IL19: variants seen among roughly 807,000 people sequenced by gnomAD.
The protein encoded by IL19 is interleukin 19.
IL19 carries 15 observed loss-of-function variants against 19.5 expected under a neutral mutation model. That is an observed-to-expected ratio of 0.77 (90% CI 0.52 to 1.19). The LOEUF is 1.19. IL19 is among the 50% of genes most tolerant of loss of function. IL19 has a pLI of 0.00. For synonymous variants in IL19, 78 were observed against 78.3 expected, an observed-to-expected ratio of 1.00 and a Z score of 0.02; for missense variants, 199 against 213.1, an observed-to-expected ratio of 0.93 and a Z score of 0.41.
chr1:206,834,590 A>G (rs1448700861), intron 2 of IL19, among the ~76,000 whole-genome samples: 2 of 152,212 alleles, frequency 1.3e-5, no homozygotes, highest in African/African-American at 4.8e-5. Context: ...ATTTTCAACG[A>G]GAAGAGATAG....
intron 2 of IL19, among the ~76,000 whole-genome samples, chr1:206,811,319 CTG>C (rs1676003031): frequency 6.6e-6 from 1 of 151,900 alleles, no homozygotes; most frequent in Non-Finnish European, 1.5e-5. Context: ...TGGCAGGAAA[CTG>C]TAGTCCCAGC....
chr1:206,835,022 C>T (rs542212242), intron 2 of IL19, among the ~76,000 whole-genome samples: 5 of 152,286 alleles, frequency 3.3e-5, no homozygotes, highest in African/African-American at 9.6e-5. Context: ...TGGGACAGTG[C>T]CCAATGCACA....
At chr1:206,840,168 C>A (rs779505911) in intron 5 of IL19, 166 bp downstream of exon 5, 2 of 802,310 alleles carry the variant, frequency 2.5e-6, no homozygotes, top group South Asian at 1.4e-5. Flanking sequence ...GTGGCCACTG[C>A]TTCCCCAGGG....
intron 2 of IL19, among the ~76,000 whole-genome samples, chr1:206,811,681 A>T (rs1373647303): frequency 6.6e-6 from 1 of 152,136 alleles, no homozygotes; most frequent in Non-Finnish European, 1.5e-5. Flanking sequence ...AACAACATGG[A>T]CTTACCCTAG....
At chr1:206,780,224 T>C (rs1236471393) in intron 1 of IL19, among the ~76,000 whole-genome samples, 15 of 152,224 alleles carry the variant, frequency 9.9e-5, no homozygotes, top group Admixed American at 9.2e-4. Flanking sequence ...GATCATTTGA[T>C]TGACCTCTGT....
intron 1 of IL19, among the ~76,000 whole-genome samples, chr1:206,781,414 C>CAAAAAAAAAAAAAAAAA (rs57060549): frequency 1.2e-4 from 5 of 43,016 alleles, no homozygotes; most frequent in Non-Finnish European, 1.7e-4. Flanking sequence ...GACTCTGTCT[C>CAAAAAAAAAAAAAAAAA]AAAAAAAAAA....
At position 206,815,781 on chromosome 1, in the gene IL19, A is replaced by G. The variant is rs78668750; in HGVS notation, c.-3+16775A>G. Among the ~76,000 whole-genome samples the G allele has an allele frequency of 2.4e-3, 364 of 152,296 alleles. 7 individuals are homozygous for G. In the East Asian group the frequency reaches 0.066, roughly 28 times the overall value. On this transcript the variant is annotated intron_variant, in intron 2 of 6. Transcript: ENST00000659997. ...AAAATGATAGCAAATTTCTCATTGG[A>G]AGTAATGCAAATAAGAAGATGGCAA...
chr1:206,805,590 G>A (rs1372122786), intron 2 of IL19, among the ~76,000 whole-genome samples: 1 of 152,160 alleles, frequency 6.6e-6, no homozygotes, highest in African/African-American at 2.4e-5. Flanking sequence ...GGACACTGCA[G>A]AAAACTGAAT....
At position 206,800,811 on chromosome 1, in the gene IL19, G is replaced by A. The variant is rs183585139; in HGVS notation, c.-3+1805G>A. Among the ~76,000 whole-genome samples the A allele has an allele frequency of 3.0e-3, 453 of 152,364 alleles. 4 individuals are homozygous for A. The highest frequency in any genetic ancestry group is 0.01 in the African/African-American group (434 of 41,582). On this transcript the variant is annotated intron_variant, in intron 2 of 6. Transcript: ENST00000659997. ...GCCCTGGCCCCTCCTGGCCGTGTGTGTTAAGTCCGGGAGGCAGTGGGTAAG... is the reference window on the plus strand; with the variant it reads ...GCCCTGGCCCCTCCTGGCCGTGTGTATTAAGTCCGGGAGGCAGTGGGTAAG...
At chr1:206,778,066 G>A (rs1400713876) in intron 1 of IL19, among the ~76,000 whole-genome samples, 2 of 152,242 alleles carry the variant, frequency 1.3e-5, no homozygotes, top group African/African-American at 4.8e-5. Context: ...TGGTGGGCCA[G>A]AAGTTTAAGA....
At chr1:206,781,564 G>A (rs1047963590) in intron 1 of IL19, among the ~76,000 whole-genome samples, 5 of 151,480 alleles carry the variant, frequency 3.3e-5, no homozygotes, top group African/African-American at 1.2e-4. Flanking sequence ...CCCATACTCC[G>A]TGTGTTTTGT....
chr1:206,830,753 A>G (rs1194436131), intron 2 of IL19, among the ~76,000 whole-genome samples: 1 of 151,948 alleles, frequency 6.6e-6, no homozygotes, highest in Admixed American at 6.6e-5. Context: ...AATTTTTTGT[A>G]TTTTTAGTAG....
At chr1:206,841,704 C>G (rs1051702287) in intron 6 of IL19, among the ~76,000 whole-genome samples, 2 of 152,174 alleles carry the variant, frequency 1.3e-5, no homozygotes, top group Admixed American at 6.5e-5. Context: ...GGCTCTGCTT[C>G]TTTGTGGAGA....
At chr1:206,791,635 T>C (rs1358420682) in intron 1 of IL19, among the ~76,000 whole-genome samples, 5 of 152,192 alleles carry the variant, frequency 3.3e-5, no homozygotes, top group Non-Finnish European at 7.4e-5. Flanking sequence ...CTGCACACTG[T>C]GCTCAGTCCC....
At chr1:206,816,598 G>A (rs1434624171) in intron 2 of IL19, among the ~76,000 whole-genome samples, 1 of 152,006 alleles carries the variant, frequency 6.6e-6, no homozygotes, top group Non-Finnish European at 1.5e-5. Flanking sequence ...GAAATCAAAA[G>A]AAGGCAGAAA....
Position 206,793,755 on chromosome 1 carries a change from C to T in IL19, c.-148-5106C>T, listed in dbSNP as rs564066238. Among the ~76,000 whole-genome samples the T allele has an allele frequency of 3.9e-5, 6 of 152,318 alleles. No homozygotes were observed. The South Asian group carries it at 8.3e-4, about 21-fold the overall frequency. ...TTATTAATGCTTTCTGAACCTCTAACGCCACTCGATTAGTCACAGTCATAG... is the reference window on the plus strand; with the variant it reads ...TTATTAATGCTTTCTGAACCTCTAATGCCACTCGATTAGTCACAGTCATAG... On this transcript the variant is annotated intron_variant, in intron 1 of 6. Transcript: ENST00000659997.
intron 2 of IL19, among the ~76,000 whole-genome samples, chr1:206,818,030 C>T (rs1676205943): frequency 6.6e-6 from 1 of 152,152 alleles, no homozygotes; most frequent in Admixed American, 6.5e-5. Flanking sequence ...TCCAAAAGTG[C>T]TGGGATTGCA....
Position 206,809,206 on chromosome 1 carries a change from C to T in IL19, c.-3+10200C>T, listed in dbSNP as rs1044744214. Reference sequence around the variant, plus strand: ...ACCTGGGCTGGAATACCTGTCTCTGCTATTTGCTATCTGTGTAAACCCAAG... The same window carrying T: ...ACCTGGGCTGGAATACCTGTCTCTGTTATTTGCTATCTGTGTAAACCCAAG... On this transcript the variant is annotated intron_variant, in intron 2 of 6. Transcript: ENST00000659997. Among the ~76,000 whole-genome samples the T allele has an allele frequency of 7.2e-5, 11 of 152,174 alleles. 1 individual carries two copies. Among genetic ancestry groups the T allele is most frequent in the African/African-American group, 2.2e-4 (9 of 41,442 alleles).
At chr1:206,796,798 G>A (rs138768132) in intron 1 of IL19, among the ~76,000 whole-genome samples, 85 of 152,234 alleles carry the variant, frequency 5.6e-4, no homozygotes, top group Non-Finnish European at 1.0e-3. Context: ...TATCCCCACC[G>A]TTAAGTGACA....
Sources: allele counts gnomAD v4.1 joint callset (sites outside exome capture counted in the v4.1 genomes callset), GRCh38; gene constraint gnomAD v4.1.1; transcripts MANE v1.5; gene names NCBI Gene and HGNC (gene_info 2026-07-23, HGNC 2026-07-21).